PAPSS2: variants seen among roughly 807,000 people sequenced by gnomAD.
PAPSS2 encodes bifunctional 3'-phosphoadenosine 5'-phosphosulfate synthase 2.
A neutral mutation model predicts 66.5 loss-of-function variants in PAPSS2; 61 were observed. The observed-to-expected ratio is 0.92, with a 90% confidence interval of 0.75 to 1.14. The LOEUF (loss-of-function observed/expected upper bound fraction) is 1.14. PAPSS2 is among the 50% of genes most tolerant of loss of function. The probability of loss-of-function intolerance (pLI) is 0.00; values close to 1 mark genes in which losing one functional copy is unlikely to be tolerated. For synonymous variants in PAPSS2, 289 were observed against 287.5 expected, an observed-to-expected ratio of 1.01 and a Z score of -0.05; for missense variants, 708 against 789.6, an observed-to-expected ratio of 0.90 and a Z score of 1.24.
chr10:87,689,326 G>T (rs1853134333), intron 1 of PAPSS2, among the ~76,000 whole-genome samples: 1 of 135,350 alleles, frequency 7.4e-6, no homozygotes, highest in South Asian at 2.4e-4. Flanking sequence ...GGCAACACGA[G>T]CAAAACTCCA....
intron 1 of PAPSS2, among the ~76,000 whole-genome samples, chr10:87,696,501 T>C (rs1348262226): frequency 6.6e-6 from 1 of 152,210 alleles, no homozygotes; most frequent in African/African-American, 2.4e-5. Context: ...AGAATCTCAC[T>C]TGTGATATTT....
At chr10:87,734,925 C>T (rs1265025960) in intron 9 of PAPSS2, among the ~76,000 whole-genome samples, 1 of 151,724 alleles carries the variant, frequency 6.6e-6, no homozygotes, top group African/African-American at 2.4e-5. Context: ...CAGATTGTTT[C>T]TTTTGAGTCT....
chr10:87,671,021 A>G (rs77961614), intron 1 of PAPSS2, among the ~76,000 whole-genome samples: 2,699 of 152,306 alleles, frequency 0.018, 88 homozygotes, highest in African/African-American at 0.062. Flanking sequence ...CTATCCATAC[A>G]GTATCCCATC....
chr10:87,660,394 C>G (rs1214347440), intron 1 of PAPSS2: 1 of 336,592 alleles, frequency 3.0e-6, no homozygotes, highest in Non-Finnish European at 5.5e-6. Context: ...GAGCTGACTC[C>G]CGTTCTGCCA....
In PAPSS2 at chr10:87,659,908, C is replaced by CT. The variant is rs1852726036; in HGVS notation, c.-74_-73insT. On this transcript the variant is annotated 5_prime_UTR_variant, in exon 1 of 13. Transcript: ENST00000456849. ...CTGCTGCTGCTGCTGCTGCTGCTGC[C>CT]GCCGCCGCCGCCGCCGTCCCTGCGT... 15 of 863,398 alleles carry CT rather than the reference C, an allele frequency of 1.7e-5. No homozygotes were observed. The highest frequency in any genetic ancestry group is 3.0e-5 in the South Asian group (2 of 67,640). 53.5% of individuals were successfully genotyped at this position (863,398 alleles called of 1,614,324 possible).
At chr10:87,708,850 G>A (rs1317007280) in intron 1 of PAPSS2, among the ~76,000 whole-genome samples, 1 of 152,074 alleles carries the variant, frequency 6.6e-6, no homozygotes, top group Non-Finnish European at 1.5e-5. Context: ...AGATTGTGTT[G>A]CATGAATCAA....
intron 8 of PAPSS2, 72 bp downstream of exon 8, chr10:87,721,842 GAACAT>G: frequency 1.1e-6 from 1 of 888,376 alleles, no homozygotes; most frequent in Non-Finnish European, 1.7e-6. Flanking sequence ...AAATGGTTAA[GAACAT>G]AACTAAAAGA....
At chr10:87,745,358 G>C (rs1157319842) in intron 12 of PAPSS2, 127 bp downstream of exon 12, 2 of 744,648 alleles carry the variant, frequency 2.7e-6, no homozygotes, top group South Asian at 3.1e-5. Flanking sequence ...AGTCCCTTGA[G>C]AGTCAAGACG....
In PAPSS2 at chr10:87,659,944, C is replaced by A; in HGVS notation, c.-38C>A. The A allele has an allele frequency of 6.2e-7, 1 of 1,610,480 alleles. No individual in the cohort carries two copies. The highest frequency in any genetic ancestry group is 8.5e-7 in the Non-Finnish European group (1 of 1,178,648). ...CCGCCGTCCCTGCGTCCTTCGGTCT[C>A]TGCTCCCGGGACCCGGGCTCCGCCG... On this transcript the variant is annotated 5_prime_UTR_variant, in exon 1 of 13. In the 5' UTR this introduces an upstream ATG that the reference lacks. Transcript: ENST00000456849.
Position 87,743,474 on chromosome 10 carries a change from C to G in PAPSS2, c.1324C>G (p.Pro442Ala), listed in dbSNP as rs755518410. The G allele has an allele frequency of 5.0e-6, 8 of 1,614,004 alleles. No homozygotes were observed. The Admixed American group carries it at 6.7e-5, about 13-fold the overall frequency. The change falls in exon 11 of 13, where the codon CCG becomes GCG. Residue 442 changes from proline to alanine, a missense_variant. Pro to Ala is a conservative substitution (Grantham distance 27). Transcript: ENST00000456849. ...RRLLERGYKH[P>A]VLLLHPLGGW... Reference sequence around the variant, plus strand: ...GCTCCTAGAGAGGGGCTACAAGCACCCGGTCCTCCTACTACACCCTCTGGG... The same window carrying G: ...GCTCCTAGAGAGGGGCTACAAGCACGCGGTCCTCCTACTACACCCTCTGGG...
At chr10:87,684,987 G>T (rs549537508) in intron 1 of PAPSS2, among the ~76,000 whole-genome samples, 1 of 152,034 alleles carries the variant, frequency 6.6e-6, no homozygotes, top group East Asian at 1.9e-4. Context: ...AAAAATCCAG[G>T]TCACCAGGCT....
chr10:87,715,914 A>G, intron 7 of PAPSS2, 71 bp downstream of exon 7: 2 of 975,382 alleles, frequency 2.1e-6, no homozygotes, highest in Non-Finnish European at 3.3e-6. Flanking sequence ...GAAGTTTTGC[A>G]GGAACAGGAA....
intron 1 of PAPSS2, among the ~76,000 whole-genome samples, chr10:87,678,952 A>T (rs892682087): frequency 4.6e-5 from 7 of 152,360 alleles, no homozygotes; most frequent in South Asian, 4.1e-4. Flanking sequence ...AAAAGCAATC[A>T]GTATATCAAA....
intron 8 of PAPSS2, among the ~76,000 whole-genome samples, chr10:87,722,726 G>A (rs924624905): frequency 6.6e-6 from 1 of 152,224 alleles, no homozygotes; most frequent in Non-Finnish European, 1.5e-5. Context: ...CACAGTTCAA[G>A]TATTACATCT....
intron 1 of PAPSS2, chr10:87,660,393 C>G (rs1852735413): frequency 3.0e-6 from 1 of 336,544 alleles, no homozygotes; most frequent in Admixed American, 4.5e-5. Context: ...CGAGCTGACT[C>G]CCGTTCTGCC....
chr10:87,712,945 T>C, intron 2 of PAPSS2, 130 bp from the exon 3 acceptor site: 1 of 669,588 alleles, frequency 1.5e-6, no homozygotes, highest in Non-Finnish European at 2.7e-6. Context: ...TGTAGTCAAC[T>C]ACACTGATTT....
intron 1 of PAPSS2, among the ~76,000 whole-genome samples, chr10:87,673,552 G>T (rs913241194): frequency 9.9e-5 from 14 of 141,476 alleles, no homozygotes; most frequent in African/African-American, 3.5e-4. Flanking sequence ...TCTTAGCTGT[G>T]TGTGTGTTTG....
rs887848020 is a variant in PAPSS2 at position 87,716,005 on chromosome 10, C to G, written c.865+162C>G. On this transcript the variant is annotated intron_variant, in intron 7 of 12. Transcript: ENST00000456849. ...GCTCCATTCTATTATGTTTAAGCTT[C>G]CATTTTTAGGATTTTTTGGTTGTTC... 1.8e-5 allele frequency: 12 copies of G among 662,812 alleles called. No homozygotes were observed. In the South Asian group the frequency reaches 2.1e-4, roughly 11 times the overall value. The allele number at this position is 662,812 out of a possible 1,614,324, so 41.1% of individuals were successfully genotyped here.
intron 7 of PAPSS2, among the ~76,000 whole-genome samples, chr10:87,718,552 A>G (rs558040573): frequency 1.5e-4 from 23 of 152,150 alleles, no homozygotes; most frequent in African/African-American, 4.3e-4. Flanking sequence ...AGCCTACCCA[A>G]GTGTTTTTGG....
Sources: allele counts gnomAD v4.1 joint callset (sites outside exome capture counted in the v4.1 genomes callset), GRCh38; gene constraint gnomAD v4.1.1; transcripts MANE v1.5; gene names NCBI Gene and HGNC (gene_info 2026-07-23, HGNC 2026-07-21).